MAP7: variants seen among roughly 807,000 people sequenced by gnomAD.
MAP7 encodes microtubule associated protein 7.
Under a neutral mutation model 94.8 loss-of-function variants are expected in MAP7, and 52 were observed. The ratio of observed to expected loss-of-function variants is 0.55; its 90% CI spans 0.44 to 0.69. The LOEUF is 0.69. Ranked by LOEUF, MAP7 falls within the 30% of genes least tolerant of loss-of-function variation. MAP7 has a pLI of 0.00. For missense variants in MAP7, 940 were observed against 964.6 expected (o/e 0.97, Z 0.34); for synonymous variants, 350 against 357.0 (o/e 0.98, Z 0.22).
chr6:136,353,031 A>G (rs1466479600), intron 16 of MAP7, among the ~76,000 whole-genome samples: 1 of 152,240 alleles, frequency 6.6e-6, no homozygotes, highest in Admixed American at 6.5e-5. Context: ...TGTGTCATAT[A>G]ATGGGGACCA....
intron 4 of MAP7, among the ~76,000 whole-genome samples, chr6:136,389,034 A>G (rs1779950413): frequency 6.6e-6 from 1 of 152,188 alleles, no homozygotes; most frequent in Admixed American, 6.5e-5. Flanking sequence ...CTATGTGTAA[A>G]TGTTTGCAAA....
chr6:136,342,999 C>T lies in MAP7; in HGVS notation c.*1229G>A, dbSNP rs2128504642. ...CCAATTTCTCTTTTAATAAAAGCTG[C>T]ACATTACAGTGGTATAAATTTATCT... On this transcript the variant is annotated 3_prime_UTR_variant, in exon 18 of 18. Transcript: ENST00000354570. 6.6e-6 allele frequency: 1 copy of T among 152,436 alleles called. No homozygotes were observed. Among genetic ancestry groups the T allele is most frequent in the Non-Finnish European group, 1.5e-5 (1 of 68,032 alleles). The allele number at this position is 152,436 out of a possible 1,614,324, so 9.4% of individuals were successfully genotyped here.
chr6:136,518,102 T>C (rs1458916983), intron 1 of MAP7, among the ~76,000 whole-genome samples: 1 of 152,212 alleles, frequency 6.6e-6, no homozygotes, highest in Non-Finnish European at 1.5e-5. Flanking sequence ...GCCTCCATAC[T>C]GTTGTTCCAA....
chr6:136,358,837 T>C (rs891788274), intron 15 of MAP7, among the ~76,000 whole-genome samples: 1 of 152,160 alleles, frequency 6.6e-6, no homozygotes, highest in African/African-American at 2.4e-5. Flanking sequence ...GAAGGATCAC[T>C]GAAGGAGCAG....
rs536387343 is a variant in MAP7 at position 136,362,993 on chromosome 6, A to G, written c.1274-291T>C. ...ATATATTGAATGTGTACAAAGCCTC[A>G]TGTTAGAGTCTGTGGGGAGTTATAC... On this transcript the variant is annotated intron_variant, in intron 10 of 17. Coordinates refer to ENST00000354570, the MANE Select transcript of MAP7 (RefSeq NM_003980.6). 2.0e-5 allele frequency among the ~76,000 whole-genome samples: 3 copies of G among 152,316 alleles called. No individual in the cohort carries two copies. In the South Asian group the frequency reaches 6.2e-4, roughly 32 times the overall value.
At position 136,543,921 on chromosome 6, in the gene MAP7, C is replaced by T. The variant is rs542576749; in HGVS notation, c.67+6421G>A. Among the ~76,000 whole-genome samples, 3 of 152,088 alleles carry T rather than the reference C, an allele frequency of 2.0e-5. No homozygotes were observed. The South Asian group carries it at 6.2e-4, about 32-fold the overall frequency. ...AAAAGAAAATCCGTAATTTTTTTTG[C>T]ACACAAATTATTTTTTTCGAGAAGG... On this transcript the variant is annotated intron_variant, in intron 1 of 17. Transcript: ENST00000354570.
At chr6:136,475,780 C>T (rs758063764) in intron 1 of MAP7, 4 of 152,054 alleles carry the variant, frequency 2.6e-5, no homozygotes, top group Non-Finnish European at 4.4e-5. Context: ...GTTTTCAATA[C>T]ACCATCTTCC....
rs188117061 is a variant in MAP7 at position 136,391,488 on chromosome 6, A to G, written c.245-1971T>C. 6.4e-3 allele frequency among the ~76,000 whole-genome samples: 969 copies of G among 150,832 alleles called. 17 individuals are homozygous for G. The highest frequency in any genetic ancestry group is 0.023 in the African/African-American group (924 of 41,000). ...AGTGGGTGCAGCGCACCAGCATGGC[A>G]CATGTATACATATGTAACTAACCTG... is the stretch of plus-strand genomic sequence containing the variant. On this transcript the variant is annotated intron_variant, in intron 3 of 17. Coordinates refer to ENST00000354570, the MANE Select transcript of MAP7 (RefSeq NM_003980.6).
chr6:136,544,400 A>G (rs1829564518), intron 1 of MAP7, among the ~76,000 whole-genome samples: 1 of 152,204 alleles, frequency 6.6e-6, no homozygotes, highest in African/African-American at 2.4e-5. Context: ...TGCACCAACA[A>G]CTGAAATTCC....
chr6:136,454,454 G>C (rs1053091088), intron 1 of MAP7, among the ~76,000 whole-genome samples: 2 of 151,914 alleles, frequency 1.3e-5, no homozygotes, highest in African/African-American at 4.8e-5. Context: ...CTACAGGCAC[G>C]TGACACTATG....
At chr6:136,387,878 T>C (rs895097987) in intron 5 of MAP7, among the ~76,000 whole-genome samples, 3 of 152,232 alleles carry the variant, frequency 2.0e-5, no homozygotes. Flanking sequence ...AATATGATTT[T>C]ATGTCCATTC....
intron 1 of MAP7, among the ~76,000 whole-genome samples, chr6:136,497,969 C>T (rs1164905196): frequency 2.0e-5 from 3 of 151,922 alleles, no homozygotes; most frequent in Non-Finnish European, 4.4e-5. Flanking sequence ...AGGCATTAGA[C>T]CTGACTCCTG....
At chr6:136,355,182 T>A (rs1349849686) in intron 16 of MAP7, among the ~76,000 whole-genome samples, 3 of 151,314 alleles carry the variant, frequency 2.0e-5, no homozygotes, top group Non-Finnish European at 4.4e-5. Flanking sequence ...TCAAAAAAAA[T>A]AATAATAAAA....
intron 9 of MAP7, 137 bp from the exon 10 acceptor site, chr6:136,366,155 T>TA: frequency 9.4e-7 from 1 of 1,065,192 alleles, no homozygotes; most frequent in East Asian, 2.6e-5. Flanking sequence ...GATACAGAAA[T>TA]AGAGTTGCTT....
intron 3 of MAP7, among the ~76,000 whole-genome samples, chr6:136,401,789 A>T (rs1367300125): frequency 6.6e-6 from 1 of 152,152 alleles, no homozygotes; most frequent in African/African-American, 2.4e-5. Context: ...ATTAAAAAAA[A>T]AAAAAGAAAC....
chr6:136,349,196 CTCTCT>C (rs1446483509), intron 16 of MAP7, among the ~76,000 whole-genome samples: 2 of 152,254 alleles, frequency 1.3e-5, no homozygotes, highest in East Asian at 3.9e-4. Flanking sequence ...CACAAGTACT[CTCTCT>C]TAAGAACCAA....
intron 5 of MAP7, among the ~76,000 whole-genome samples, chr6:136,384,290 G>A (rs912403666): frequency 1.3e-5 from 2 of 151,930 alleles, no homozygotes; most frequent in African/African-American, 4.8e-5. Flanking sequence ...GCTCGTTGTT[G>A]TTGTTGTTGT....
At chr6:136,538,219 A>AT (rs1384501760) in intron 1 of MAP7, among the ~76,000 whole-genome samples, 20 of 152,230 alleles carry the variant, frequency 1.3e-4, no homozygotes, top group African/African-American at 4.6e-4. Flanking sequence ...ACAACTTAAG[A>AT]AAGTTTCTTC....
chr6:136,500,128 AG>A (rs1317034273), intron 1 of MAP7, among the ~76,000 whole-genome samples: 1 of 152,236 alleles, frequency 6.6e-6, no homozygotes, highest in Non-Finnish European at 1.5e-5. Flanking sequence ...GTTTCAATTT[AG>A]TCATATATAA....
Sources: gnomAD v4.1 joint callset for allele counts (sites outside exome capture counted in the v4.1 genomes callset) on GRCh38, gnomAD v4.1.1 for gene constraint, MANE v1.5 for transcripts, NCBI Gene and HGNC (gene_info 2026-07-23, HGNC 2026-07-21) for gene names.